The following OXSR1 variants were observed in gnomAD, a reference collection of about 807,000 sequenced individuals.
The protein encoded by OXSR1 is serine/threonine-protein kinase OSR1.
Under a neutral mutation model 79.8 loss-of-function variants are expected in OXSR1, and 24 were observed. The ratio of observed to expected loss-of-function variants is 0.30; its 90% CI spans 0.22 to 0.42. OXSR1 has a LOEUF of 0.42. Ranked by LOEUF, OXSR1 falls within the 10% of genes least tolerant of loss-of-function variation. The pLI is 1.00. For missense variants in OXSR1, 430 were observed against 618.4 expected (o/e 0.70, Z 3.23); for synonymous variants, 226 against 209.2 (o/e 1.08, Z -0.69).
chr3:38,241,054 T>G (rs1575369883), intron 11 of OXSR1, among the ~76,000 whole-genome samples: 2 of 152,034 alleles, frequency 1.3e-5, no homozygotes, highest in Admixed American at 6.6e-5. Context: ...ATTTTCAAGG[T>G]CTTAAAGTGT....
chr3:38,164,858 C>A (rs1283615563), upstream of OXSR1, among the ~76,000 whole-genome samples: 1 of 151,998 alleles, frequency 6.6e-6, no homozygotes, highest in African/African-American at 2.4e-5. Flanking sequence ...GAGAGAACGT[C>A]CGCCTTGAAA....
intron 1 of OXSR1, among the ~76,000 whole-genome samples, chr3:38,173,726 A>G (rs1395422495): frequency 6.6e-6 from 1 of 152,206 alleles, no homozygotes; most frequent in Non-Finnish European, 1.5e-5. Context: ...CCACTATGTG[A>G]TTAATTCATT....
chr3:38,195,435 T>A (rs1156421765), intron 3 of OXSR1, among the ~76,000 whole-genome samples: 1 of 152,162 alleles, frequency 6.6e-6, no homozygotes, highest in Non-Finnish European at 1.5e-5. Flanking sequence ...CAATGCAGGG[T>A]TTTAAAATTT....
At chr3:38,222,160 T>A (rs2125836298) in intron 6 of OXSR1, among the ~76,000 whole-genome samples, 1 of 152,280 alleles carries the variant, frequency 6.6e-6, no homozygotes, top group African/African-American at 2.4e-5. Context: ...ACTGTAAAGT[T>A]ATGGGAATGG....
In OXSR1 at chr3:38,246,072, C is replaced by T. The variant is rs748345980; in HGVS notation, c.1111-3C>T. On this transcript the variant is annotated splice_polypyrimidine_tract_variant and splice_region_variant and intron_variant, in intron 12 of 17. Coordinates refer to ENST00000311806, the MANE Select transcript of OXSR1 (RefSeq NM_005109.3). ...AGCAACACTGTGTGTGTTTTTGTTACAGCTCTTTCCAACAACTGATCCTGT... is the reference window on the plus strand; with the variant it reads ...AGCAACACTGTGTGTGTTTTTGTTATAGCTCTTTCCAACAACTGATCCTGT... The T allele has an allele frequency of 6.2e-7, 1 of 1,613,484 alleles. No homozygotes were observed. Among genetic ancestry groups the T allele is most frequent in the Non-Finnish European group, 8.5e-7 (1 of 1,179,536 alleles).
intron 4 of OXSR1, among the ~76,000 whole-genome samples, chr3:38,210,008 T>C (rs1475800742): frequency 1.3e-5 from 2 of 152,142 alleles, no homozygotes; most frequent in Non-Finnish European, 2.9e-5. Context: ...AAGTACTTCT[T>C]TACTTTTGAA....
At chr3:38,194,817 G>T (rs1195283223) in intron 3 of OXSR1, among the ~76,000 whole-genome samples, 6 of 152,088 alleles carry the variant, frequency 3.9e-5, no homozygotes, top group Non-Finnish European at 8.8e-5. Context: ...TATGTATAGG[G>T]TACCTTCTTT....
rs1226650508 is a variant in OXSR1, at chr3:38,251,387, T to G, written c.1376-16T>G. On this transcript the variant is annotated splice_polypyrimidine_tract_variant and intron_variant, in intron 15 of 17. Coordinates refer to ENST00000311806, the MANE Select transcript of OXSR1 (RefSeq NM_005109.3). ...CACGCACAAAAAACAGAGCACTGTC[T>G]TCTTTGTCCTTGCAGATACAGCAGA... The G allele has an allele frequency of 6.2e-7, 1 of 1,610,794 alleles. No homozygotes were observed. Among genetic ancestry groups the G allele is most frequent in the South Asian group, 1.1e-5 (1 of 91,006 alleles).
chr3:38,252,534 C>T (rs1361660132), intron 17 of OXSR1, 142 bp downstream of exon 17: 20 of 715,368 alleles, frequency 2.8e-5, no homozygotes, highest in Non-Finnish European at 4.8e-5. Context: ...GTGCCCTGGG[C>T]TGATGTTTCC....
Position 38,243,095 on chromosome 3 carries a change from T to C in OXSR1, c.1110+317T>C, listed in dbSNP as rs35546339. ...TCACCCATGCTGGAGTGCAGTGGTG[T>C]GATCACGGCTCACTGCAGCCTTGAC... On this transcript the variant is annotated intron_variant, in intron 12 of 17. Transcript: ENST00000311806. Among the ~76,000 whole-genome samples the C allele has an allele frequency of 9.5e-3, 1,439 of 152,052 alleles. 27 individuals are homozygous for C. The highest frequency in any genetic ancestry group is 0.033 in the African/African-American group (1,388 of 41,456).
intron 11 of OXSR1, 61 bp downstream of exon 11, chr3:38,237,022 C>G: frequency 2.8e-6 from 4 of 1,443,172 alleles, no homozygotes; most frequent in Non-Finnish European, 3.8e-6. Flanking sequence ...TTCAGCTTAA[C>G]CAGCTAAAAT....
chr3:38,251,549 T>C (rs1703257274), intron 16 of OXSR1, 78 bp downstream of exon 16: 3 of 1,063,684 alleles, frequency 2.8e-6, no homozygotes, highest in Non-Finnish European at 4.4e-6. Context: ...AGGTTTTTTA[T>C]TCCACTGAGT....
chr3:38,211,750 A>G (rs765747936), intron 4 of OXSR1, among the ~76,000 whole-genome samples: 2 of 152,148 alleles, frequency 1.3e-5, no homozygotes, highest in Non-Finnish European at 1.5e-5. Flanking sequence ...TCTGTCTCCC[A>G]GGTCTTCTTA....
At chr3:38,175,078 G>T (rs1395369560) in intron 1 of OXSR1, among the ~76,000 whole-genome samples, 4 of 152,164 alleles carry the variant, frequency 2.6e-5, no homozygotes, top group Non-Finnish European at 5.9e-5. Context: ...CTTATGTTTT[G>T]TGTGGTTCAG....
At chr3:38,218,325 G>A (rs1487933059) in intron 5 of OXSR1, among the ~76,000 whole-genome samples, 3 of 151,364 alleles carry the variant, frequency 2.0e-5, no homozygotes, top group Non-Finnish European at 2.9e-5. Context: ...TTAGTTTCTG[G>A]GTTTTTTGTT....
Position 38,255,035 on chromosome 3 carries a change from C to T in OXSR1, c.*2144C>T, listed in dbSNP as rs1703337693. On this transcript the variant is annotated 3_prime_UTR_variant, in exon 18 of 18. Coordinates refer to ENST00000311806, the MANE Select transcript of OXSR1 (RefSeq NM_005109.3). The stretch of plus-strand genomic sequence containing the variant: ...ATGTGTGGTAGACTCCCTTTGCTGG[C>T]TTGTGCAGTGATACTGAGAAAATAC... 6.6e-6 allele frequency: 1 copy of T among 152,654 alleles called. No individual in the cohort carries two copies. The highest frequency in any genetic ancestry group is 2.4e-5 in the African/African-American group (1 of 41,440). 9.5% of individuals were successfully genotyped at this position (152,654 alleles called of 1,614,324 possible).
chr3:38,231,110 C>T (rs183845978), intron 10 of OXSR1, among the ~76,000 whole-genome samples: 1 of 152,278 alleles, frequency 6.6e-6, no homozygotes, highest in Non-Finnish European at 1.5e-5. Context: ...AAGTTAGAAG[C>T]ATTATGTCTA....
Position 38,199,357 on chromosome 3 carries a change from G to C in OXSR1, c.434+494G>C, listed in dbSNP as rs545248103. Reference sequence around the variant, plus strand: ...TAACTCACTGCAACCTCGAACTCCTGGGCTCAAGTGATCCTCCCACCTCAG... The same window carrying C: ...TAACTCACTGCAACCTCGAACTCCTCGGCTCAAGTGATCCTCCCACCTCAG... On this transcript the variant is annotated intron_variant, in intron 4 of 17. Coordinates refer to ENST00000311806, the MANE Select transcript of OXSR1 (RefSeq NM_005109.3). Among the ~76,000 whole-genome samples, 7 of 149,274 alleles carry C rather than the reference G, an allele frequency of 4.7e-5. No individual in the cohort carries two copies. The East Asian group carries it at 1.4e-3, about 29-fold the overall frequency.
At chr3:38,188,649 G>A (rs568542818) in intron 2 of OXSR1, among the ~76,000 whole-genome samples, 3 of 152,230 alleles carry the variant, frequency 2.0e-5, no homozygotes, top group Non-Finnish European at 2.9e-5. Context: ...ATATCTTTCC[G>A]TTGCTGTTAG....
Sources: allele counts gnomAD v4.1 joint callset (sites outside exome capture counted in the v4.1 genomes callset), GRCh38; gene constraint gnomAD v4.1.1; transcripts MANE v1.5; gene names NCBI Gene and HGNC (gene_info 2026-07-23, HGNC 2026-07-21).